NFIB: variants seen among roughly 807,000 people sequenced by gnomAD.
The protein encoded by NFIB is nuclear factor I B, also known as nuclear factor 1 B-type.
In NFIB, 11 loss-of-function variants were observed where a neutral mutation model predicts 61.5. The ratio of observed to expected loss-of-function variants is 0.18; its 90% CI spans 0.11 to 0.30. NFIB has a LOEUF of 0.30. Ranked by LOEUF, NFIB falls within the 10% of genes least tolerant of loss-of-function variation. NFIB has a pLI of 1.00. For synonymous variants in NFIB, 260 were observed against 216.5 expected (o/e 1.20, Z -1.76); for missense variants, 471 against 608.9 (o/e 0.77, Z 2.38).
At chr9:14,254,762 G>A (rs977118003) in intron 2 of NFIB, among the ~76,000 whole-genome samples, 1 of 152,054 alleles carries the variant, frequency 6.6e-6, no homozygotes, top group African/African-American at 2.4e-5. Context: ...ATTTGAATAA[G>A]ACTTCTGAAA....
chr9:14,463,926 C>G, the NFIB span, among the ~76,000 whole-genome samples: 1 of 152,220 alleles, frequency 6.6e-6, no homozygotes, highest in African/African-American at 2.4e-5. Flanking sequence ...TCCCAAAGTG[C>G]TGGGATTACA....
intron 10 of NFIB, among the ~76,000 whole-genome samples, chr9:14,110,797 T>C (rs1033381335): frequency 6.6e-6 from 1 of 152,120 alleles, no homozygotes; most frequent in Non-Finnish European, 1.5e-5. Flanking sequence ...TTTACTAATA[T>C]ACATCTATAG....
intron 5 of NFIB, among the ~76,000 whole-genome samples, chr9:14,147,977 C>T (rs1456660483): frequency 6.6e-6 from 1 of 151,988 alleles, no homozygotes; most frequent in Non-Finnish European, 1.5e-5. Context: ...TATGACTCAT[C>T]TCAATGAATA....
chr9:14,324,571 A>C (rs1411114072), intron 1 of NFIB, among the ~76,000 whole-genome samples: 1 of 152,166 alleles, frequency 6.6e-6, no homozygotes, highest in Non-Finnish European at 1.5e-5. Context: ...TGTTTAGGAA[A>C]TATTTTGAGA....
intron 2 of NFIB, among the ~76,000 whole-genome samples, chr9:14,303,985 A>C (rs917250273): frequency 6.6e-6 from 1 of 152,258 alleles, no homozygotes; most frequent in African/African-American, 2.4e-5. Context: ...GAAATAGCAA[A>C]ATGGACTGAA....
chr9:14,507,498 T>C, the NFIB span, among the ~76,000 whole-genome samples: 287 of 152,278 alleles, frequency 1.9e-3, 10 homozygotes, highest in East Asian at 0.043. Flanking sequence ...CAAGTAAACA[T>C]GAGAAAAATA....
chr9:14,343,060 G>A (rs2060971658), intron 1 of NFIB, among the ~76,000 whole-genome samples: 1 of 152,112 alleles, frequency 6.6e-6, no homozygotes, highest in South Asian at 2.1e-4. Flanking sequence ...GGGGGGGTAG[G>A]GGAGTGGGTG....
intron 10 of NFIB, among the ~76,000 whole-genome samples, chr9:14,111,608 T>C (rs1425288797): frequency 6.6e-6 from 1 of 152,122 alleles, no homozygotes; most frequent in Non-Finnish European, 1.5e-5. Context: ...GACACATACA[T>C]CTGTCAAATA....
chr9:14,192,100 T>C (rs1186305160), intron 2 of NFIB, among the ~76,000 whole-genome samples: 1 of 152,216 alleles, frequency 6.6e-6, no homozygotes, highest in Non-Finnish European at 1.5e-5. Flanking sequence ...TTAATTGCCA[T>C]AGGAATAATT....
chr9:14,428,912 A>C, the NFIB span, among the ~76,000 whole-genome samples: 2 of 152,162 alleles, frequency 1.3e-5, no homozygotes, highest in Non-Finnish European at 2.9e-5. Context: ...AAACAGAAAG[A>C]AAGAAAAAGC....
intron 2 of NFIB, among the ~76,000 whole-genome samples, chr9:14,226,890 G>C (rs114764851): frequency 0.013 from 1,985 of 152,006 alleles, 52 homozygotes; most frequent in African/African-American, 0.045. Context: ...CTGTAATCCC[G>C]GCACTTTGGG....
chr9:14,325,215 C>G (rs1280328846), intron 1 of NFIB, among the ~76,000 whole-genome samples: 1 of 152,030 alleles, frequency 6.6e-6, no homozygotes, highest in East Asian at 1.9e-4. Context: ...ATAGCACTGT[C>G]CAACACTAGT....
At chr9:14,253,538 A>G (rs1049550263) in intron 2 of NFIB, among the ~76,000 whole-genome samples, 5 of 152,198 alleles carry the variant, frequency 3.3e-5, no homozygotes, top group Non-Finnish European at 7.3e-5. Context: ...ATGCACAAAT[A>G]AAATGTTTTA....
chr9:14,451,745 C>A, the NFIB span, among the ~76,000 whole-genome samples: 1 of 152,146 alleles, frequency 6.6e-6, no homozygotes, highest in Non-Finnish European at 1.5e-5. Flanking sequence ...GAAAACTTGT[C>A]CTAATGGGAA....
At chr9:14,202,648 C>T (rs1156367690) in intron 2 of NFIB, among the ~76,000 whole-genome samples, 3 of 152,096 alleles carry the variant, frequency 2.0e-5, no homozygotes, top group South Asian at 2.1e-4. Context: ...ATAAAAATAT[C>T]GGTTCTACGT....
At chr9:14,400,758 G>C (rs2061735058), upstream of NFIB, among the ~76,000 whole-genome samples, 1 of 152,208 alleles carries the variant, frequency 6.6e-6, no homozygotes, top group Admixed American at 6.5e-5. Flanking sequence ...GTTCATTATT[G>C]AGAAAAAGTG....
At chr9:14,161,435 C>T (rs73411959) in intron 3 of NFIB, among the ~76,000 whole-genome samples, 1 of 151,898 alleles carries the variant, frequency 6.6e-6, no homozygotes, top group Non-Finnish European at 1.5e-5. Context: ...AATTTCCCAA[C>T]TTTAACACGC....
intron 2 of NFIB, among the ~76,000 whole-genome samples, chr9:14,245,777 G>A (rs1449357237): frequency 1.3e-5 from 2 of 152,076 alleles, no homozygotes; most frequent in South Asian, 2.1e-4. Context: ...GGAGGCTGAG[G>A]CACGAGAATC....
At chr9:14,159,994 T>A (rs2043960593) in intron 3 of NFIB, among the ~76,000 whole-genome samples, 1 of 152,216 alleles carries the variant, frequency 6.6e-6, no homozygotes, top group Non-Finnish European at 1.5e-5. Context: ...AAAGGAAATA[T>A]GAGCATCTCT....
Sources: gnomAD v4.1 joint callset for allele counts (sites outside exome capture counted in the v4.1 genomes callset) on GRCh38, gnomAD v4.1.1 for gene constraint, MANE v1.5 for transcripts, NCBI Gene and HGNC (gene_info 2026-07-23, HGNC 2026-07-21) for gene names.